GPR174: variants seen among roughly 807,000 people sequenced by gnomAD.
GPR174 encodes the protein G protein-coupled receptor 174, also known as probable G protein-coupled receptor 174.
A neutral mutation model predicts 16.5 loss-of-function variants in GPR174; 8 were observed. That is an observed-to-expected ratio of 0.48 (90% CI 0.28 to 0.87). The LOEUF is 0.87. GPR174 is among the 40% of genes least tolerant of loss of function. The pLI is 0.09. For missense variants in GPR174, 214 were observed against 247.5 expected (o/e 0.86, Z 0.91); for synonymous variants, 111 against 94.8 (o/e 1.17, Z -0.99).
chrX:79,150,027 T>A (rs1162436414), intron 1 of GPR174, among the ~76,000 whole-genome samples: 1 of 111,330 alleles, frequency 9.0e-6, no homozygotes. Flanking sequence ...TTTGTGTCTG[T>A]TTAGGTCTTT....
In GPR174 at chrX:79,171,965, G is replaced by A. The variant is rs1569282906; in HGVS notation, c.958G>A (p.Val320Met). The change falls in exon 3 of 3, where the codon GTG becomes ATG. Residue 320 changes from valine (V) to methionine (M), a missense_variant. Val to Met is a conservative substitution (Grantham distance 21, BLOSUM62 1). Transcript: ENST00000645147. ...CATCCAACTCCATGCAAAATCCTTT[G>A]TGAGTAACCATACAGCTTCCACCAT... ...DSIQLHAKSF[V>M]SNHTASTMTP... 2 of 1,205,730 alleles carry A rather than the reference G, an allele frequency of 1.7e-6. No individual in the cohort carries two copies. The highest frequency in any genetic ancestry group is 3.0e-5 in the East Asian group (1 of 33,781).
intron 1 of GPR174, among the ~76,000 whole-genome samples, chrX:79,149,821 GTTTT>G (rs34575264): frequency 1.2e-5 from 1 of 82,176 alleles, no homozygotes; most frequent in African/African-American, 4.5e-5. Flanking sequence ...ACCTCCCTCA[GTTTT>G]TTTTTTTTTT....
intron 1 of GPR174, among the ~76,000 whole-genome samples, chrX:79,145,977 T>A (rs963525570): frequency 1.8e-5 from 2 of 112,135 alleles, no homozygotes; most frequent in African/African-American, 6.5e-5. Context: ...GAATTTAATT[T>A]ACATTTCTAG....
chrX:79,149,839 T>G (rs1926567262), intron 1 of GPR174, among the ~76,000 whole-genome samples: 1 of 106,762 alleles, frequency 9.4e-6, no homozygotes, highest in Admixed American at 1.0e-4. Context: ...TTTTTTTTTT[T>G]GCCATGAAAT....
rs1241090700 is a variant in GPR174 at position 79,174,000 on chromosome X, T to C, written c.*1991T>C. The C allele has an allele frequency of 7.1e-5, 8 of 111,935 alleles. No individual in the cohort carries two copies. The highest frequency in any genetic ancestry group is 2.6e-4 in the African/African-American group (8 of 30,767). 9.2% of individuals were successfully genotyped at this position (111,935 alleles called of 1,213,427 possible). On this transcript the variant is annotated 3_prime_UTR_variant, in exon 3 of 3. Transcript: ENST00000645147. ...TCTATAGTATTTGTGCTTAGTATTTTCTAGATTAGCATGAATTACACTTCC... is the reference window on the plus strand; with the variant it reads ...TCTATAGTATTTGTGCTTAGTATTTCCTAGATTAGCATGAATTACACTTCC...
chrX:79,160,507 T>C (rs982552159), intron 2 of GPR174, among the ~76,000 whole-genome samples: 3 of 111,890 alleles, frequency 2.7e-5, no homozygotes, highest in Non-Finnish European at 5.6e-5. Context: ...ACTTATGAAA[T>C]ATAGAAAGTA....
chrX:79,165,071 T>C (rs1356181934), intron 2 of GPR174, among the ~76,000 whole-genome samples: 1 of 111,105 alleles, frequency 9.0e-6, no homozygotes, highest in Non-Finnish European at 1.9e-5. Context: ...CAACAATTCG[T>C]TTTTGTTACT....
intron 2 of GPR174, among the ~76,000 whole-genome samples, chrX:79,157,485 T>G (rs1921126198): frequency 8.9e-6 from 1 of 111,757 alleles, no homozygotes; most frequent in African/African-American, 3.3e-5. Flanking sequence ...AGCAAGTCTA[T>G]GCACAGATTA....
chrX:79,160,046 A>G (rs1038390616), intron 2 of GPR174, among the ~76,000 whole-genome samples: 2 of 112,103 alleles, frequency 1.8e-5, no homozygotes, highest in African/African-American at 6.5e-5. Flanking sequence ...TGACCTCACA[A>G]GGCTGTATGC....
rs989368566 is a variant in GPR174 at position 79,170,875 on chromosome X, T to C, written c.-133T>C. On this transcript the variant is annotated 5_prime_UTR_variant, in exon 3 of 3. The change abolishes the stop of an existing upstream ORF in the 5' untranslated region. Coordinates refer to ENST00000645147, the MANE Select transcript of GPR174 (RefSeq NM_032553.3). ...TACGTAGAGACTCAGACAGATGTGG[T>C]AAAAAGAGGAAGGTTATTTTATACT... 4 of 520,357 alleles carry C rather than the reference T, an allele frequency of 7.7e-6. No homozygotes were observed. Among genetic ancestry groups the C allele is most frequent in the Non-Finnish European group, 1.3e-5 (4 of 318,118 alleles). 42.9% of individuals were successfully genotyped at this position (520,357 alleles called of 1,213,427 possible). A position where few individuals can be genotyped will look rare whatever the true frequency, so the allele number is the denominator to read the frequency against.
chrX:79,146,406 T>A (rs1569277902), intron 1 of GPR174, among the ~76,000 whole-genome samples: 1 of 112,397 alleles, frequency 8.9e-6, no homozygotes, highest in Admixed American at 9.4e-5. Context: ...GAGTATTTTG[T>A]TTTTCCTTTA....
intron 2 of GPR174, among the ~76,000 whole-genome samples, chrX:79,160,472 T>C (rs1921210685): frequency 8.9e-6 from 1 of 111,949 alleles, no homozygotes; most frequent in South Asian, 3.7e-4. Context: ...CTGTGGGGAA[T>C]CCCATGTCCT....
At chrX:79,147,405 G>C (rs949059028) in intron 1 of GPR174, among the ~76,000 whole-genome samples, 5 of 107,900 alleles carry the variant, frequency 4.6e-5, no homozygotes, top group Non-Finnish European at 7.7e-5. Flanking sequence ...CACACTTCAG[G>C]TTTCTCCCAA....
chrX:79,145,000 CTCTCTCTTTCTTTCTTTCTTTCTTTCTT>C lies in GPR174; in HGVS notation c.-867_-840del, dbSNP rs1926463715. 1.2e-4 allele frequency: 4 copies of C among 33,527 alleles called. No homozygotes were observed. Among genetic ancestry groups the C allele is most frequent in the East Asian group, 9.1e-4 (1 of 1,094 alleles). The allele number at this position is 33,527 out of a possible 1,213,427, so 2.8% of individuals were successfully genotyped here. On this transcript the variant is annotated 5_prime_UTR_variant, in exon 1 of 3. Transcript: ENST00000645147. ...TCTTTTTCTTTCTTTCTTTCTCTCT[CTCTCTCTTTCTTTCTTTCTTTCTTTCTT>C]TCTTTCTTTCTTTCTTTCTTTCTTT...
intron 1 of GPR174, among the ~76,000 whole-genome samples, chrX:79,150,385 T>G (rs1602335833): frequency 1.8e-5 from 2 of 111,586 alleles, no homozygotes; most frequent in Non-Finnish European, 3.8e-5. Context: ...TTGGAAAAAT[T>G]TTGGACACAC....
intron 2 of GPR174, among the ~76,000 whole-genome samples, chrX:79,165,570 A>G (rs1057151211): frequency 8.9e-6 from 1 of 111,971 alleles, no homozygotes; most frequent in African/African-American, 3.2e-5. Context: ...CAAGTGGGAA[A>G]GAATATTTAC....
chrX:79,150,124 A>T (rs1045699261), intron 1 of GPR174, among the ~76,000 whole-genome samples: 1 of 111,692 alleles, frequency 9.0e-6, no homozygotes, highest in South Asian at 3.7e-4. Flanking sequence ...ATAGTCCAAT[A>T]GAGAAAAATT....
intron 2 of GPR174, among the ~76,000 whole-genome samples, chrX:79,169,404 C>T (rs891412778): frequency 3.6e-5 from 4 of 111,531 alleles, no homozygotes; most frequent in Admixed American, 9.5e-5. Context: ...TGAGAAATCT[C>T]GGGTATTTAA....
intron 1 of GPR174, among the ~76,000 whole-genome samples, chrX:79,148,303 C>T (rs1366781084): frequency 9.0e-6 from 1 of 111,481 alleles, no homozygotes; most frequent in Non-Finnish European, 1.9e-5. Flanking sequence ...CAACTCCTTT[C>T]CTACTTCCTG....
Sources: allele counts gnomAD v4.1 joint callset (sites outside exome capture counted in the v4.1 genomes callset), GRCh38; gene constraint gnomAD v4.1.1; transcripts MANE v1.5; gene names NCBI Gene and HGNC (gene_info 2026-07-23, HGNC 2026-07-21).